The following DMRT1 variants were observed in gnomAD, a reference collection of about 807,000 sequenced individuals.
DMRT1 encodes doublesex and mab-3 related transcription factor 1.
Under a neutral mutation model 32.3 loss-of-function variants are expected in DMRT1, and 7 were observed. That is an observed-to-expected ratio of 0.22 (90% CI 0.12 to 0.41). The LOEUF is 0.41. Among genes scored for constraint, DMRT1 ranks in the 10% least tolerant of loss-of-function variants. The pLI is 1.00. For missense variants in DMRT1, 625 were observed against 500.5 expected, an observed-to-expected ratio of 1.25 and a Z score of -2.37; for synonymous variants, 278 against 206.1, an observed-to-expected ratio of 1.35 and a Z score of -2.99.
chr9:953,136 A>G (rs1246985177), intron 4 of DMRT1, among the ~76,000 whole-genome samples: 2 of 152,206 alleles, frequency 1.3e-5, no homozygotes, highest in African/African-American at 2.4e-5. Flanking sequence ...GCAGAATTTT[A>G]TATACGTGGA....
intron 2 of DMRT1, among the ~76,000 whole-genome samples, chr9:871,517 T>A (rs1309597768): frequency 0.015 from 2,166 of 147,176 alleles, 99 homozygotes; most frequent in African/African-American, 0.052. Context: ...TTTTTTTTTT[T>A]TTTTTGGTAG....
intron 4 of DMRT1, among the ~76,000 whole-genome samples, chr9:917,597 T>G (rs753304139): frequency 7.2e-5 from 11 of 152,182 alleles, no homozygotes; most frequent in Non-Finnish European, 1.3e-4. Context: ...GTGAGAAACA[T>G]ACACAATAGG....
At chr9:967,170 C>G (rs1819955839) in intron 4 of DMRT1, among the ~76,000 whole-genome samples, 1 of 152,184 alleles carries the variant, frequency 6.6e-6, no homozygotes, top group South Asian at 2.1e-4. Flanking sequence ...GAAGGGAGTT[C>G]TGGGGGTGGA....
intron 2 of DMRT1, among the ~76,000 whole-genome samples, chr9:866,158 C>A (rs1227633930): frequency 3.3e-5 from 2 of 60,776 alleles, no homozygotes; most frequent in Non-Finnish European, 3.2e-5. Flanking sequence ...AGTGAGAGTC[C>A]ATCTCAAAAA....
At chr9:853,939 G>T (rs186398367) in intron 2 of DMRT1, among the ~76,000 whole-genome samples, 4 of 152,100 alleles carry the variant, frequency 2.6e-5, no homozygotes, top group Admixed American at 2.6e-4. Flanking sequence ...AGGACTACAG[G>T]TGCACGCTAT....
At chr9:883,104 G>T (rs1816795809) in intron 2 of DMRT1, among the ~76,000 whole-genome samples, 1 of 151,590 alleles carries the variant, frequency 6.6e-6, no homozygotes, top group Admixed American at 6.6e-5. Context: ...ACTCTTTCCA[G>T]ATTCCATACG....
At chr9:910,749 G>A (rs947508931) in intron 3 of DMRT1, among the ~76,000 whole-genome samples, 1 of 152,000 alleles carries the variant, frequency 6.6e-6, no homozygotes, top group African/African-American at 2.4e-5. Context: ...TCTTATCCAT[G>A]GGTCGTACTC....
At chr9:950,298 A>G (rs1819387352) in intron 4 of DMRT1, among the ~76,000 whole-genome samples, 1 of 152,080 alleles carries the variant, frequency 6.6e-6, no homozygotes, top group Non-Finnish European at 1.5e-5. Flanking sequence ...GTGGATGTGA[A>G]GAAGAGGAAA....
chr9:881,260 A>G (rs553704298), intron 2 of DMRT1, among the ~76,000 whole-genome samples: 29 of 152,376 alleles, frequency 1.9e-4, no homozygotes, highest in African/African-American at 7.0e-4. Context: ...TTACAAGACA[A>G]ATGCCTGATT....
At chr9:873,428 C>A (rs1816360410) in intron 2 of DMRT1, among the ~76,000 whole-genome samples, 1 of 151,918 alleles carries the variant, frequency 6.6e-6, no homozygotes, top group African/African-American at 2.4e-5. Flanking sequence ...GCCTCAGACT[C>A]CTGAGTAGCT....
At chr9:852,134 A>G (rs1423686717) in intron 2 of DMRT1, among the ~76,000 whole-genome samples, 1 of 151,744 alleles carries the variant, frequency 6.6e-6, no homozygotes, top group African/African-American at 2.4e-5. Flanking sequence ...ATGGGGTTTC[A>G]CCATGTTGGC....
intron 4 of DMRT1, among the ~76,000 whole-genome samples, chr9:952,121 T>G (rs1381431125): frequency 6.6e-6 from 1 of 152,190 alleles, no homozygotes; most frequent in Non-Finnish European, 1.5e-5. Context: ...TAATCCCAGG[T>G]GTGTCTGATT....
chr9:894,903 T>A lies in DMRT1; in HGVS notation c.822+708T>A, dbSNP rs1817295927. ...ATCTCAGCTCACTGCAACTTCTGCC[T>A]CCTGGGTTCAAGTGCTTCTTTTCAC... On this transcript the variant is annotated intron_variant, in intron 3 of 4. Transcript: ENST00000382276. 2 of 152,454 alleles carry A rather than the reference T, an allele frequency of 1.3e-5. 1 individual carries two copies. The highest frequency in any genetic ancestry group is 4.1e-4 in the South Asian group (2 of 4,842). 9.4% of individuals were successfully genotyped at this position (152,454 alleles called of 1,614,324 possible). A position where few individuals can be genotyped will look rare whatever the true frequency, so the allele number is the denominator to read the frequency against.
intron 3 of DMRT1, among the ~76,000 whole-genome samples, chr9:916,330 G>A (rs1355083172): frequency 6.6e-6 from 1 of 152,016 alleles, no homozygotes; most frequent in Non-Finnish European, 1.5e-5. Flanking sequence ...CATATTCATG[G>A]CTGAGGCCAC....
intron 4 of DMRT1, among the ~76,000 whole-genome samples, chr9:954,268 T>C (rs1034346775): frequency 7.2e-5 from 11 of 152,116 alleles, no homozygotes; most frequent in Non-Finnish European, 1.3e-4. Flanking sequence ...GACGTGCTTT[T>C]GGAAGCGTAA....
chr9:915,627 C>T (rs10977467), intron 3 of DMRT1, among the ~76,000 whole-genome samples: 10,269 of 152,208 alleles, frequency 0.067, 660 homozygotes, highest in East Asian at 0.17. Context: ...CTGCAGGGAA[C>T]AGACACCGAC....
chr9:853,608 G>A (rs1165389088), intron 2 of DMRT1, among the ~76,000 whole-genome samples: 2 of 151,562 alleles, frequency 1.3e-5, no homozygotes, highest in African/African-American at 2.4e-5. Flanking sequence ...GAATAGCTGG[G>A]ATTACAGGCA....
intron 2 of DMRT1, among the ~76,000 whole-genome samples, chr9:890,006 T>A (rs1586572818): frequency 6.6e-6 from 1 of 151,860 alleles, no homozygotes; most frequent in African/African-American, 2.4e-5. Context: ...AAGGCTTTTG[T>A]AATCAGATAA....
At chr9:917,129 T>G (rs1330095987) in intron 4 of DMRT1, among the ~76,000 whole-genome samples, 3 of 152,056 alleles carry the variant, frequency 2.0e-5, no homozygotes, top group African/African-American at 7.2e-5. Flanking sequence ...ATTCCTAGAG[T>G]GACAGGAGTA....
Sources: gnomAD v4.1 joint callset for allele counts (sites outside exome capture counted in the v4.1 genomes callset) on GRCh38, gnomAD v4.1.1 for gene constraint, MANE v1.5 for transcripts, NCBI Gene and HGNC (gene_info 2026-07-23, HGNC 2026-07-21) for gene names.